DNAJC1: variants seen among roughly 807,000 people sequenced by gnomAD.
DNAJC1 encodes the protein DnaJ heat shock protein family (Hsp40) member C1, also known as dnaJ homolog subfamily C member 1.
Under a neutral mutation model 76.6 loss-of-function variants are expected in DNAJC1, and 58 were observed. The ratio of observed to expected loss-of-function variants is 0.76; its 90% CI spans 0.61 to 0.94. The LOEUF (loss-of-function observed/expected upper bound fraction) is 0.94, where lower values mean the gene tolerates loss of function less well. Among genes scored for constraint, DNAJC1 ranks in the 40% least tolerant of loss-of-function variants. The probability of loss-of-function intolerance (pLI) is 0.00; values close to 1 mark genes in which losing one functional copy is unlikely to be tolerated. For missense variants in DNAJC1, 689 were observed against 677.3 expected, an observed-to-expected ratio of 1.02 and a Z score of -0.19; for synonymous variants, 258 against 267.9, an observed-to-expected ratio of 0.96 and a Z score of 0.36.
intron 9 of DNAJC1, among the ~76,000 whole-genome samples, chr10:21,792,583 C>T (rs1440811947): frequency 6.6e-6 from 1 of 151,678 alleles, no homozygotes; most frequent in African/African-American, 2.4e-5. Context: ...ATGGTGAAAC[C>T]CTGTCTCTAC....
At chr10:21,916,991 A>T (rs2131764324) in intron 6 of DNAJC1, among the ~76,000 whole-genome samples, 1 of 152,242 alleles carries the variant, frequency 6.6e-6, no homozygotes, top group Non-Finnish European at 1.5e-5. Context: ...TCCATTTATC[A>T]AGAAGAAATA....
At chr10:21,896,472 A>G (rs1344356155) in intron 7 of DNAJC1, among the ~76,000 whole-genome samples, 2 of 152,102 alleles carry the variant, frequency 1.3e-5, no homozygotes, top group South Asian at 2.1e-4. Context: ...CCCTCTTTGC[A>G]TGAGAATATC....
intron 8 of DNAJC1, among the ~76,000 whole-genome samples, chr10:21,815,854 T>C (rs924476862): frequency 6.6e-6 from 1 of 151,646 alleles, no homozygotes; most frequent in African/African-American, 2.4e-5. Context: ...CAAGCGATTC[T>C]CCTGCCTCAG....
intron 1 of DNAJC1, among the ~76,000 whole-genome samples, chr10:21,943,054 A>T (rs1310638539): frequency 6.6e-6 from 1 of 152,142 alleles, no homozygotes; most frequent in East Asian, 1.9e-4. Context: ...CAAGACAGAA[A>T]TAAAAGTTTA....
At chr10:21,876,114 A>AT (rs1836184267) in intron 8 of DNAJC1, among the ~76,000 whole-genome samples, 1 of 151,524 alleles carries the variant, frequency 6.6e-6, no homozygotes, top group Non-Finnish European at 1.5e-5. Context: ...AAAAAACGTT[A>AT]ATTTTTTTTT....
chr10:21,834,780 C>T (rs893243424), intron 8 of DNAJC1, among the ~76,000 whole-genome samples: 3 of 152,182 alleles, frequency 2.0e-5, no homozygotes, highest in African/African-American at 7.2e-5. Flanking sequence ...GGGAGGGGCA[C>T]CCGCCATTGC....
intron 9 of DNAJC1, among the ~76,000 whole-genome samples, chr10:21,771,130 G>C (rs1045973449): frequency 7.9e-5 from 12 of 151,908 alleles, no homozygotes; most frequent in Admixed American, 6.6e-5. Context: ...ACTGATTTTT[G>C]TAATATTGCT....
chr10:21,922,041 G>A (rs1837051103), intron 3 of DNAJC1, among the ~76,000 whole-genome samples: 1 of 151,968 alleles, frequency 6.6e-6, no homozygotes, highest in South Asian at 2.1e-4. Context: ...AATATTCTGA[G>A]TTAGTCGCAG....
chr10:21,829,187 T>C (rs772943175), intron 8 of DNAJC1, among the ~76,000 whole-genome samples: 3 of 151,370 alleles, frequency 2.0e-5, no homozygotes, highest in African/African-American at 4.9e-5. Flanking sequence ...TGAGTCACCA[T>C]GCCCAGCTGA....
At chr10:21,938,420 C>A (rs768177438) in intron 1 of DNAJC1, among the ~76,000 whole-genome samples, 1 of 151,330 alleles carries the variant, frequency 6.6e-6, no homozygotes, top group South Asian at 2.1e-4. Context: ...AGTTTTGCTA[C>A]GTAATAGCAC....
intron 1 of DNAJC1, among the ~76,000 whole-genome samples, chr10:21,961,179 G>C (rs1590068791): frequency 6.6e-6 from 1 of 152,178 alleles, no homozygotes; most frequent in South Asian, 2.1e-4. Context: ...TCCTCAAAAA[G>C]TTAAACACTG....
At chr10:21,989,027 A>G (rs991203913) in intron 1 of DNAJC1, among the ~76,000 whole-genome samples, 2 of 152,212 alleles carry the variant, frequency 1.3e-5, no homozygotes, top group Non-Finnish European at 2.9e-5. Context: ...TGATTATTTT[A>G]GAAATGCTAC....
At chr10:21,955,816 G>C (rs1837670055) in intron 1 of DNAJC1, among the ~76,000 whole-genome samples, 1 of 151,996 alleles carries the variant, frequency 6.6e-6, no homozygotes, top group Non-Finnish European at 1.5e-5. Flanking sequence ...TTCACATATT[G>C]TGTTATGTTC....
At chr10:21,821,960 A>G (rs1835166328) in intron 8 of DNAJC1, among the ~76,000 whole-genome samples, 1 of 152,174 alleles carries the variant, frequency 6.6e-6, no homozygotes, top group African/African-American at 2.4e-5. Context: ...TCTTTCCACT[A>G]TATTCTACTA....
intron 11 of DNAJC1, among the ~76,000 whole-genome samples, chr10:21,758,393 C>T (rs1016627700): frequency 2.0e-5 from 3 of 152,182 alleles, no homozygotes; most frequent in African/African-American, 4.8e-5. Context: ...CTCTCTGCAG[C>T]GCCTCATGGC....
intron 8 of DNAJC1, among the ~76,000 whole-genome samples, chr10:21,843,051 T>C (rs995419331): frequency 1.3e-5 from 2 of 152,042 alleles, no homozygotes; most frequent in Non-Finnish European, 2.9e-5. Flanking sequence ...ATACCTAGGA[T>C]GGTGTGCATA....
chr10:21,960,385 T>A (rs1455321463), intron 1 of DNAJC1, among the ~76,000 whole-genome samples: 1 of 151,988 alleles, frequency 6.6e-6, no homozygotes, highest in Non-Finnish European at 1.5e-5. Flanking sequence ...AATAAAAACA[T>A]GTAAGATATA....
intron 9 of DNAJC1, among the ~76,000 whole-genome samples, chr10:21,803,314 C>T (rs930151692): frequency 6.6e-6 from 1 of 152,070 alleles, no homozygotes; most frequent in Admixed American, 6.6e-5. Context: ...GAGAACTAGG[C>T]AGGTGATCAG....
chr10:21,872,073 C>CT (rs546290479), intron 8 of DNAJC1, among the ~76,000 whole-genome samples: 1,376 of 133,052 alleles, frequency 0.01, 20 homozygotes, highest in African/African-American at 0.021. Context: ...GTTAAATCAT[C>CT]TTTTTTTTTT....
Sources: gnomAD v4.1 joint callset for allele counts (sites outside exome capture counted in the v4.1 genomes callset) on GRCh38, gnomAD v4.1.1 for gene constraint, MANE v1.5 for transcripts, NCBI Gene and HGNC (gene_info 2026-07-23, HGNC 2026-07-21) for gene names.